SCHIP1: variants seen among roughly 807,000 people sequenced by gnomAD.
SCHIP1 encodes the protein schwannomin-interacting protein 1.
A neutral mutation model predicts 29.7 loss-of-function variants in SCHIP1; 8 were observed. The ratio of observed to expected loss-of-function variants is 0.27; its 90% CI spans 0.16 to 0.49. The LOEUF is 0.49. Among genes scored for constraint, SCHIP1 ranks in the 20% least tolerant of loss-of-function variants. The probability of loss-of-function intolerance (pLI) is 0.99; values close to 1 mark genes in which losing one functional copy is unlikely to be tolerated. For synonymous variants in SCHIP1, 76 were observed against 94.9 expected, an observed-to-expected ratio of 0.80 and a Z score of 1.16; for missense variants, 193 against 294.6, an observed-to-expected ratio of 0.66 and a Z score of 2.52.
At chr3:159,575,262 A>T in the SCHIP1 span, among the ~76,000 whole-genome samples, 1 of 152,172 alleles carries the variant, frequency 6.6e-6, no homozygotes, top group Non-Finnish European at 1.5e-5. Context: ...GCAAGTTTAG[A>T]CCATGTATAT....
the SCHIP1 span, among the ~76,000 whole-genome samples, chr3:159,426,893 TAAATG>T: frequency 6.6e-6 from 1 of 152,122 alleles, no homozygotes; most frequent in African/African-American, 2.4e-5. Flanking sequence ...CGCAAACCAA[TAAATG>T]TAATCCAGCA....
At chr3:159,275,788 T>G in the SCHIP1 span, among the ~76,000 whole-genome samples, 54 of 152,192 alleles carry the variant, frequency 3.5e-4, no homozygotes, top group Admixed American at 3.5e-3. Flanking sequence ...AGAAAAATGT[T>G]CAGAGCTAAA....
the SCHIP1 span, among the ~76,000 whole-genome samples, chr3:159,366,615 T>A: frequency 6.6e-6 from 1 of 152,192 alleles, no homozygotes; most frequent in Non-Finnish European, 1.5e-5. Flanking sequence ...CACTAATAAT[T>A]TGTGTCTAGA....
At chr3:159,290,812 A>G in the SCHIP1 span, among the ~76,000 whole-genome samples, 1 of 152,138 alleles carries the variant, frequency 6.6e-6, no homozygotes, top group African/African-American at 2.4e-5. Flanking sequence ...ACATAATGCA[A>G]GTAATTATCT....
chr3:159,850,542 C>T (rs1390540385), intron 1 of SCHIP1, among the ~76,000 whole-genome samples: 1 of 104,938 alleles, frequency 9.5e-6, no homozygotes, highest in African/African-American at 3.4e-5. Context: ...GATTCCATCT[C>T]AAAAAAAAAA....
At chr3:159,434,334 G>T in the SCHIP1 span, among the ~76,000 whole-genome samples, 1 of 152,078 alleles carries the variant, frequency 6.6e-6, no homozygotes, top group African/African-American at 2.4e-5. Context: ...AATGTTTGCT[G>T]ATGCTACTCC....
the SCHIP1 span, among the ~76,000 whole-genome samples, chr3:159,629,684 A>G: frequency 6.6e-6 from 1 of 152,220 alleles, no homozygotes; most frequent in South Asian, 2.1e-4. Context: ...GCTGTTGTAG[A>G]GATTAAACAA....
the SCHIP1 span, among the ~76,000 whole-genome samples, chr3:159,294,513 T>G: frequency 6.6e-6 from 1 of 152,234 alleles, no homozygotes; most frequent in South Asian, 2.1e-4. Context: ...GACGTTTTTC[T>G]TTCAACAAAA....
the SCHIP1 span, among the ~76,000 whole-genome samples, chr3:159,686,792 C>T: frequency 6.6e-6 from 1 of 152,164 alleles, no homozygotes; most frequent in African/African-American, 2.4e-5. Context: ...GTAACTCAGT[C>T]ACCTCCAGAT....
the SCHIP1 span, among the ~76,000 whole-genome samples, chr3:159,426,919 A>G: frequency 6.6e-6 from 1 of 152,220 alleles, no homozygotes; most frequent in Non-Finnish European, 1.5e-5. Context: ...TATAAACAGA[A>G]CCAAAGACAA....
the SCHIP1 span, among the ~76,000 whole-genome samples, chr3:159,359,162 G>A: frequency 6.6e-6 from 1 of 151,934 alleles, no homozygotes; most frequent in Non-Finnish European, 1.5e-5. Context: ...TCCTGACCTC[G>A]TGATCCGCCC....
At chr3:159,785,155 C>T in the SCHIP1 span, among the ~76,000 whole-genome samples, 1 of 152,152 alleles carries the variant, frequency 6.6e-6, no homozygotes. Context: ...GGATTTCATA[C>T]ATTTTTTTCT....
chr3:159,747,461 T>C, the SCHIP1 span, among the ~76,000 whole-genome samples: 1 of 152,230 alleles, frequency 6.6e-6, no homozygotes, highest in African/African-American at 2.4e-5. Context: ...TCATTTATAT[T>C]TGGGCGAAAA....
intron 3 of SCHIP1, chr3:159,887,412 TA>T (rs1717070361): frequency 3.1e-6 from 1 of 321,778 alleles, no homozygotes; most frequent in African/African-American, 2.1e-5. Flanking sequence ...AATATTTTGT[TA>T]TGTCTGTTCA....
chr3:159,345,567 T>A, the SCHIP1 span, among the ~76,000 whole-genome samples: 1 of 151,934 alleles, frequency 6.6e-6, no homozygotes, highest in African/African-American at 2.4e-5. Flanking sequence ...TCTCTCTCTC[T>A]CTCTCTCTCT....
At chr3:159,781,638 G>A in the SCHIP1 span, among the ~76,000 whole-genome samples, 1 of 152,192 alleles carries the variant, frequency 6.6e-6, no homozygotes, top group Non-Finnish European at 1.5e-5. Context: ...GTTAGGTATG[G>A]AGTACAGAGA....
the SCHIP1 span, among the ~76,000 whole-genome samples, chr3:159,791,637 G>T: frequency 6.6e-6 from 1 of 152,242 alleles, no homozygotes; most frequent in Non-Finnish European, 1.5e-5. Context: ...CTAGCAGGGA[G>T]CCAGGTGAGA....
At chr3:159,462,124 C>A in the SCHIP1 span, among the ~76,000 whole-genome samples, 1 of 151,988 alleles carries the variant, frequency 6.6e-6, no homozygotes, top group African/African-American at 2.4e-5. Context: ...GCAGGAAAAT[C>A]ACTTGAATCC....
chr3:159,614,534 C>T, the SCHIP1 span, among the ~76,000 whole-genome samples: 2,323 of 152,114 alleles, frequency 0.015, 54 homozygotes, highest in African/African-American at 0.053. Flanking sequence ...TTATTTTTTC[C>T]ATTTGCATTT....
Sources: gnomAD v4.1 joint callset for allele counts (sites outside exome capture counted in the v4.1 genomes callset) on GRCh38, gnomAD v4.1.1 for gene constraint, MANE v1.5 for transcripts, NCBI Gene and HGNC (gene_info 2026-07-23, HGNC 2026-07-21) for gene names.